ADAM22: variants seen among roughly 807,000 people sequenced by gnomAD.
ADAM22 encodes the protein ADAM metallopeptidase domain 22.
In ADAM22, 65 loss-of-function variants were observed where a neutral mutation model predicts 144.6. The ratio of observed to expected loss-of-function variants is 0.45; its 90% CI spans 0.37 to 0.55. The LOEUF (loss-of-function observed/expected upper bound fraction) is 0.55, where lower values mean the gene tolerates loss of function less well. ADAM22 is among the 20% of genes least tolerant of loss of function. ADAM22 has a pLI of 0.00. For synonymous variants in ADAM22, 391 were observed against 412.6 expected (o/e 0.95, Z 0.63); for missense variants, 974 against 1,184.9 (o/e 0.82, Z 2.61).
At chr7:88,175,640 C>A (rs1021508737) in intron 26 of ADAM22, among the ~76,000 whole-genome samples, 1 of 152,040 alleles carries the variant, frequency 6.6e-6, no homozygotes, top group Non-Finnish European at 1.5e-5. Context: ...GTAATTTTCC[C>A]ATTATAAAAT....
At chr7:88,071,602 A>G (rs1018622668) in intron 3 of ADAM22, among the ~76,000 whole-genome samples, 3 of 152,050 alleles carry the variant, frequency 2.0e-5, no homozygotes, top group African/African-American at 7.2e-5. Context: ...CACTACACAA[A>G]GGATAATCAT....
At chr7:88,055,839 G>A (rs1323459100) in intron 3 of ADAM22, among the ~76,000 whole-genome samples, 3 of 152,060 alleles carry the variant, frequency 2.0e-5, no homozygotes, top group African/African-American at 4.8e-5. Context: ...GTGTGTTTTG[G>A]TGTTCATCTC....
intron 2 of ADAM22, among the ~76,000 whole-genome samples, chr7:87,947,223 A>G (rs924111809): frequency 6.6e-6 from 1 of 151,026 alleles, no homozygotes; most frequent in African/African-American, 2.4e-5. Context: ...GAAATTATAA[A>G]AAAAAGATTA....
rs35145003 is a variant in ADAM22, at chr7:88,083,587, T to TTGTGTGTGTG, written c.390+7933_390+7942dup. ...TTTTTTTTCTCTTTTTACTTTGTGTTTGTGTGTGTGTGTGTGTGTGTGTGT... is the reference window on the plus strand; with the variant it reads ...TTTTTTTTCTCTTTTTACTTTGTGTTTGTGTGTGTGTGTGTGTGTGTGTGTGTGTGTGTGT... On this transcript the variant is annotated intron_variant, in intron 4 of 31. Transcript: ENST00000413139. Among the ~76,000 whole-genome samples the TTGTGTGTGTG allele has an allele frequency of 7.0e-3, 886 of 126,710 alleles. 10 individuals carry two copies. The highest frequency in any genetic ancestry group is 0.025 in the African/African-American group (831 of 33,526). The allele number at this position is 126,710 out of a possible 152,430, so 83.1% of individuals were successfully genotyped here.
chr7:88,127,609 G>C (rs1028126156), intron 8 of ADAM22, among the ~76,000 whole-genome samples: 2 of 150,800 alleles, frequency 1.3e-5, no homozygotes, highest in Non-Finnish European at 3.0e-5. Context: ...AAGTTTTTAA[G>C]TTTAGGATTG....
chr7:88,099,671 T>C (rs2129486342), intron 4 of ADAM22, among the ~76,000 whole-genome samples: 1 of 152,324 alleles, frequency 6.6e-6, no homozygotes, highest in South Asian at 2.1e-4. Flanking sequence ...TATTACATTT[T>C]AATCATTTAA....
chr7:88,137,049 C>T (rs1164015444), intron 14 of ADAM22, among the ~76,000 whole-genome samples: 1 of 152,126 alleles, frequency 6.6e-6, no homozygotes, highest in Non-Finnish European at 1.5e-5. Flanking sequence ...AAGGTAACCA[C>T]CATCTAAGTT....
chr7:88,167,465 T>G (rs1230336166), intron 24 of ADAM22, among the ~76,000 whole-genome samples: 1 of 152,162 alleles, frequency 6.6e-6, no homozygotes, highest in African/African-American at 2.4e-5. Flanking sequence ...CCCTGGATTC[T>G]GCCTGCCTGT....
At chr7:87,978,276 CTAAT>C in intron 2 of ADAM22, 56 bp from the exon 3 acceptor site, 1 of 1,251,750 alleles carries the variant, frequency 8.0e-7, no homozygotes, top group Non-Finnish European at 1.1e-6. Flanking sequence ...ATAAGAAAGA[CTAAT>C]TGTCTGATTA....
chr7:88,055,688 G>C (rs1808061976), intron 3 of ADAM22, among the ~76,000 whole-genome samples: 4 of 152,164 alleles, frequency 2.6e-5, no homozygotes, highest in African/African-American at 9.7e-5. Context: ...CATAGGGAGG[G>C]TAAGAATCCA....
chr7:88,049,613 G>C (rs1253613884), intron 3 of ADAM22, among the ~76,000 whole-genome samples: 2 of 152,162 alleles, frequency 1.3e-5, no homozygotes, highest in Non-Finnish European at 2.9e-5. Flanking sequence ...GGTCAGGCTG[G>C]TCTTGAACTC....
rs570366357 is a variant in ADAM22 at position 87,997,125 on chromosome 7, G to A, written c.323+18713G>A. On this transcript the variant is annotated intron_variant, in intron 3 of 31. Transcript: ENST00000413139. ...GATTACTATTGGAGTTTGTTTGTTC[G>A]TTAAAAGCATATCTAATAAGGTTTT... Among the ~76,000 whole-genome samples the A allele has an allele frequency of 1.7e-4, 26 of 152,212 alleles. No homozygotes were observed. The South Asian group carries it at 3.3e-3, about 19-fold the overall frequency.
Position 88,131,319 on chromosome 7 carries a change from C to T in ADAM22, c.876C>T (p.Thr292=). Reference sequence around the variant, plus strand: ...GGATAGTATTGGTTGCTATGGAAACCTGGGCGACTGACAACAAGTTTGCCA... The same window carrying T: ...GGATAGTATTGGTTGCTATGGAAACTTGGGCGACTGACAACAAGTTTGCCA... ...KTRIVLVAME[T]WATDNKFAIS... The change falls in exon 11 of 32, where the codon ACC becomes ACT. Residue 292 remains threonine, a synonymous_variant. Transcript: ENST00000413139. 6.2e-7 allele frequency: 1 copy of T among 1,613,530 alleles called. No individual in the cohort carries two copies. The highest frequency in any genetic ancestry group is 8.5e-7 in the Non-Finnish European group (1 of 1,179,806).
intron 29 of ADAM22, 182 bp from the exon 30 acceptor site, chr7:88,186,433 A>G (rs1436838886): frequency 3.3e-6 from 2 of 614,568 alleles, no homozygotes; most frequent in Non-Finnish European, 5.8e-6. Context: ...GCCTTGTTGT[A>G]GCTGAGATTA....
chr7:88,167,221 A>C (rs1182235737), intron 24 of ADAM22, among the ~76,000 whole-genome samples: 2 of 152,184 alleles, frequency 1.3e-5, no homozygotes, highest in Non-Finnish European at 2.9e-5. Context: ...AAAGCTCTGC[A>C]GTTAACCATG....
intron 2 of ADAM22, among the ~76,000 whole-genome samples, chr7:87,972,031 G>A (rs1850584760): frequency 6.6e-6 from 1 of 152,130 alleles, no homozygotes; most frequent in South Asian, 2.1e-4. Flanking sequence ...TCTACTCAGG[G>A]ATGCCCTCTG....
intron 2 of ADAM22, among the ~76,000 whole-genome samples, chr7:87,957,656 C>T (rs1847102813): frequency 6.6e-6 from 1 of 152,198 alleles, no homozygotes; most frequent in African/African-American, 2.4e-5. Flanking sequence ...TCTCGACTCA[C>T]TGCAGCCTCT....
At chr7:88,022,860 A>G (rs1056542958) in intron 3 of ADAM22, among the ~76,000 whole-genome samples, 4 of 152,226 alleles carry the variant, frequency 2.6e-5, no homozygotes, top group African/African-American at 9.6e-5. Context: ...TCAATAAATG[A>G]TATTGTAGCA....
intron 4 of ADAM22, among the ~76,000 whole-genome samples, chr7:88,095,849 T>G (rs1821106052): frequency 6.6e-6 from 1 of 152,174 alleles, no homozygotes; most frequent in Non-Finnish European, 1.5e-5. Flanking sequence ...TGTTAGTTTT[T>G]ATTTTTATTC....
Sources: gnomAD v4.1 joint callset for allele counts (sites outside exome capture counted in the v4.1 genomes callset) on GRCh38, gnomAD v4.1.1 for gene constraint, MANE v1.5 for transcripts, NCBI Gene and HGNC (gene_info 2026-07-23, HGNC 2026-07-21) for gene names.